Variants in IPO11 observed in about 807,000 individuals in gnomAD.
The protein encoded by IPO11 is importin-11.
IPO11 carries 66 observed loss-of-function variants against 143.2 expected under a neutral mutation model. The ratio of observed to expected loss-of-function variants is 0.46; its 90% CI spans 0.38 to 0.57. The LOEUF is 0.57. Ranked by LOEUF, IPO11 falls within the 20% of genes least tolerant of loss-of-function variation. IPO11 has a pLI of 0.00. For synonymous variants in IPO11, 385 were observed against 377.8 expected, an observed-to-expected ratio of 1.02 and a Z score of -0.22; for missense variants, 1,026 against 1,141.0, an observed-to-expected ratio of 0.90 and a Z score of 1.45.
intron 26 of IPO11, among the ~76,000 whole-genome samples, chr5:62,558,099 G>A (rs545162681): frequency 7.9e-5 from 12 of 152,342 alleles, no homozygotes; most frequent in African/African-American, 2.9e-4. Context: ...TCAGCTGATA[G>A]ATGTCAGTGT....
Position 62,483,202 on chromosome 5 carries a change from C to T in IPO11, c.930C>T (p.Gly310=), listed in dbSNP as rs780506047. The change falls in exon 10 of 30, where the codon GGC becomes GGT. Residue 310 remains glycine, a synonymous_variant. Coordinates refer to ENST00000325324, the MANE Select transcript of IPO11 (RefSeq NM_016338.5). ...VSYVFTEVGE[G]VTFERFIVQC... ...ATGTTTTTACAGAAGTTGGTGAAGG[C>T]GTTACATTTGAACGATTCATTGTCC... 26 of 1,609,262 alleles carry T rather than the reference C, an allele frequency of 1.6e-5. No individual in the cohort carries two copies. The highest frequency in any genetic ancestry group is 6.7e-5 in the East Asian group (3 of 44,694).
chr5:62,455,885 C>T (rs796229248), intron 5 of IPO11, among the ~76,000 whole-genome samples: 9 of 152,118 alleles, frequency 5.9e-5, no homozygotes, highest in African/African-American at 1.9e-4. Context: ...CCACCATGCC[C>T]AGCTAATTTT....
intron 1 of IPO11, among the ~76,000 whole-genome samples, chr5:62,435,932 G>A (rs1744213822): frequency 6.6e-6 from 1 of 152,178 alleles, no homozygotes; most frequent in Non-Finnish European, 1.5e-5. Flanking sequence ...GGGAGGCTGA[G>A]GCAGGAGAAT....
intron 19 of IPO11, among the ~76,000 whole-genome samples, chr5:62,513,726 G>T (rs868396232): frequency 2.0e-5 from 3 of 149,794 alleles, no homozygotes; most frequent in Non-Finnish European, 3.0e-5. Context: ...CTGGCCGGGT[G>T]GGGGGCTGAC....
rs571820946 is a variant in IPO11 at position 62,539,389 on chromosome 5, G to A, written c.2250+2100G>A. 3.8e-4 allele frequency among the ~76,000 whole-genome samples: 58 copies of A among 152,206 alleles called. 1 individual carries two copies. The South Asian group carries it at 0.012, about 31-fold the overall frequency. ...TCTGTGTCTCTGTTTTGTTTTTGTTGTTGCAGGGACAAAAGTCATAATTGA... is the reference window on the plus strand; with the variant it reads ...TCTGTGTCTCTGTTTTGTTTTTGTTATTGCAGGGACAAAAGTCATAATTGA... On this transcript the variant is annotated intron_variant, in intron 24 of 29. Transcript: ENST00000325324.
chr5:62,617,925 C>G (rs111238308), intron 29 of IPO11, among the ~76,000 whole-genome samples: 1 of 151,842 alleles, frequency 6.6e-6, no homozygotes, highest in Non-Finnish European at 1.5e-5. Flanking sequence ...CTAAGGATAG[C>G]CTATGGTAGT....
intron 29 of IPO11, among the ~76,000 whole-genome samples, chr5:62,624,318 G>A (rs1377629051): frequency 6.6e-6 from 1 of 152,186 alleles, no homozygotes; most frequent in Admixed American, 6.5e-5. Flanking sequence ...ACAGGCATGA[G>A]CCATGGCATC....
chr5:62,439,166 C>T (rs568360256), intron 2 of IPO11, among the ~76,000 whole-genome samples: 1 of 151,596 alleles, frequency 6.6e-6, no homozygotes, highest in East Asian at 1.9e-4. Flanking sequence ...AAATATAAAA[C>T]ACTTTCAGAA....
chr5:62,509,892 G>T (rs1377929894), intron 19 of IPO11, among the ~76,000 whole-genome samples: 1 of 152,142 alleles, frequency 6.6e-6, no homozygotes, highest in Non-Finnish European at 1.5e-5. Flanking sequence ...CCTGATTTCA[G>T]TTCTTTTGAA....
chr5:62,439,779 C>G (rs925564676), intron 2 of IPO11, among the ~76,000 whole-genome samples: 5 of 152,078 alleles, frequency 3.3e-5, no homozygotes, highest in African/African-American at 1.2e-4. Flanking sequence ...TAAAAAGCTG[C>G]TGTGTTTTAG....
chr5:62,461,700 A>G (rs747190238), intron 5 of IPO11, among the ~76,000 whole-genome samples: 5 of 152,328 alleles, frequency 3.3e-5, no homozygotes, highest in East Asian at 3.9e-4. Context: ...CTCAAATGCT[A>G]TATGCCTTCA....
chr5:62,553,346 G>GTTTGTGTGTGTGTGTGTT (rs3077456), intron 26 of IPO11, among the ~76,000 whole-genome samples: 1 of 150,264 alleles, frequency 6.7e-6, no homozygotes, highest in African/African-American at 2.4e-5. Flanking sequence ...GTGTGTGTGT[G>GTTTGTGTGTGTGTGTGTT]TGTGTGTGTG....
intron 16 of IPO11, among the ~76,000 whole-genome samples, chr5:62,499,254 T>C (rs1319287793): frequency 2.6e-5 from 4 of 152,232 alleles, no homozygotes; most frequent in African/African-American, 9.6e-5. Context: ...CAGTGTAGCA[T>C]GTTACTGTAC....
chr5:62,542,502 C>T (rs1374261561), intron 24 of IPO11, among the ~76,000 whole-genome samples: 1 of 152,050 alleles, frequency 6.6e-6, no homozygotes, highest in Admixed American at 6.6e-5. Context: ...TAGTATCTCT[C>T]ATACCATTTC....
intron 5 of IPO11, among the ~76,000 whole-genome samples, chr5:62,462,346 T>A (rs775281950): frequency 5.3e-5 from 8 of 152,104 alleles, no homozygotes; most frequent in Non-Finnish European, 1.2e-4. Context: ...TTCAGAGATG[T>A]TCTTTGGTAC....
chr5:62,455,980 C>T (rs146984909), intron 5 of IPO11, among the ~76,000 whole-genome samples: 1,638 of 152,276 alleles, frequency 0.011, 17 homozygotes, highest in South Asian at 0.034. Context: ...CTGTCTCAGC[C>T]TCCCAAAGTG....
intron 1 of IPO11, among the ~76,000 whole-genome samples, chr5:62,424,927 A>G (rs990329721): frequency 2.0e-5 from 3 of 152,200 alleles, no homozygotes; most frequent in Non-Finnish European, 4.4e-5. Flanking sequence ...AGAACTCAAA[A>G]ACACATTCAT....
chr5:62,487,867 G>A lies in IPO11; in HGVS notation c.1309+6G>A, dbSNP rs1330618597. On this transcript the variant is annotated splice_donor_region_variant and intron_variant, in intron 13 of 29. Coordinates refer to ENST00000325324, the MANE Select transcript of IPO11 (RefSeq NM_016338.5). ...AATGATGCAAACACTTCAAGGTAAG[G>A]CATATTTTGTGATTAACTTTGAGTT... 3 of 1,600,898 alleles carry A rather than the reference G, an allele frequency of 1.9e-6. No individual in the cohort carries two copies. Among genetic ancestry groups the A allele is most frequent in the African/African-American group, 1.3e-5 (1 of 74,166 alleles).
chr5:62,626,814 C>G (rs1158923368), intron 29 of IPO11, among the ~76,000 whole-genome samples: 1 of 152,110 alleles, frequency 6.6e-6, no homozygotes, highest in African/African-American at 2.4e-5. Flanking sequence ...AAGGAGAATG[C>G]TGGACAATTG....
Sources: allele counts gnomAD v4.1 joint callset (sites outside exome capture counted in the v4.1 genomes callset), GRCh38; gene constraint gnomAD v4.1.1; transcripts MANE v1.5; gene names NCBI Gene and HGNC (gene_info 2026-07-23, HGNC 2026-07-21).